CX3CR1: variants seen among roughly 807,000 people sequenced by gnomAD.
The protein encoded by CX3CR1 is CX3C chemokine receptor 1.
For missense variants in CX3CR1, 363 were observed against 432.4 expected (o/e 0.84, Z 1.42); for synonymous variants, 168 against 178.5 (o/e 0.94, Z 0.47).
upstream of CX3CR1, among the ~76,000 whole-genome samples, chr3:39,282,535 C>T (rs909370349): frequency 2.0e-5 from 3 of 152,166 alleles, no homozygotes; most frequent in Non-Finnish European, 4.4e-5. Flanking sequence ...GGCTCAAAGG[C>T]AGGAGGCCAG....
At chr3:39,277,294 G>T (rs956350140) in intron 1 of CX3CR1, among the ~76,000 whole-genome samples, 1 of 152,186 alleles carries the variant, frequency 6.6e-6, no homozygotes, top group South Asian at 2.1e-4. Flanking sequence ...CAAGAGGGCA[G>T]GTGGGATCAA....
upstream of CX3CR1, chr3:39,281,057 G>A (rs1242097294): frequency 2.0e-5 from 20 of 988,482 alleles, no homozygotes; most frequent in Non-Finnish European, 2.4e-5. Flanking sequence ...AGTCGCTGTG[G>A]TGTTCCGAGG....
upstream of CX3CR1, among the ~76,000 whole-genome samples, chr3:39,284,315 C>T (rs922541517): frequency 3.3e-5 from 5 of 152,160 alleles, no homozygotes; most frequent in African/African-American, 9.7e-5. Context: ...GAGCCTGCTA[C>T]CACATCTGGC....
chr3:39,270,780 C>T (rs1000448166), intron 1 of CX3CR1, among the ~76,000 whole-genome samples: 4 of 151,940 alleles, frequency 2.6e-5, no homozygotes, highest in Admixed American at 2.0e-4. Flanking sequence ...ACACATACTA[C>T]GTATTTTGGA....
At chr3:39,285,448 C>A (rs573941023), upstream of CX3CR1, among the ~76,000 whole-genome samples, 1 of 152,234 alleles carries the variant, frequency 6.6e-6, no homozygotes, top group South Asian at 2.1e-4. Context: ...CTATTTACTA[C>A]CTCCTTCTGT....
chr3:39,277,765 A>G (rs1436999845), intron 1 of CX3CR1, among the ~76,000 whole-genome samples: 1 of 152,216 alleles, frequency 6.6e-6, no homozygotes, highest in Non-Finnish European at 1.5e-5. Context: ...TGACTGGGTC[A>G]GCTCTAATAC....
chr3:39,281,643 C>T (rs1041473774), upstream of CX3CR1: 12 of 1,599,276 alleles, frequency 7.5e-6, no homozygotes, highest in African/African-American at 4.0e-5. Flanking sequence ...AGCCAGAGAG[C>T]TCTTCCTGAA....
the CX3CR1 span, chr3:39,287,814 G>A: frequency 1.3e-5 from 2 of 152,206 alleles, no homozygotes; most frequent in African/African-American, 4.8e-5. Context: ...TAGCTTAAGT[G>A]TATGTCTGGG....
Position 39,266,429 on chromosome 3 carries a change from C to A in CX3CR1, c.81G>T (p.Val27=). ...TGGACAGGAACACAGTCCCAAAGAC[C>A]ACGATGTCCCCAATATAACAGGCCT... ...LAEACYIGDI[V]VFGTVFLSIF... is the part of the protein sequence containing the mutation. The change falls in exon 2 of 2, where the codon GTG becomes GTT. Residue 27 remains valine, a synonymous_variant. Coordinates refer to ENST00000399220, the MANE Select transcript of CX3CR1 (RefSeq NM_001337.4). 1 of 1,614,184 alleles carries A rather than the reference C, an allele frequency of 6.2e-7. No individual in the cohort carries two copies.
chr3:39,290,085 T>TA, the CX3CR1 span, among the ~76,000 whole-genome samples: 2 of 152,162 alleles, frequency 1.3e-5, no homozygotes, highest in African/African-American at 4.8e-5. Context: ...GTTTAAAAGT[T>TA]AGGTTTGTTT....
At chr3:39,269,181 A>G (rs1008346252) in intron 1 of CX3CR1, among the ~76,000 whole-genome samples, 3 of 152,120 alleles carry the variant, frequency 2.0e-5, no homozygotes, top group Non-Finnish European at 4.4e-5. Flanking sequence ...TATTTAATTC[A>G]CTGCACTGCT....
intron 1 of CX3CR1, among the ~76,000 whole-genome samples, chr3:39,276,188 G>A (rs901016864): frequency 4.6e-5 from 7 of 152,188 alleles, no homozygotes; most frequent in Non-Finnish European, 8.8e-5. Context: ...GCAGGGCTTC[G>A]GGGAAGGATG....
chr3:39,291,014 G>A, the CX3CR1 span, among the ~76,000 whole-genome samples: 1 of 151,786 alleles, frequency 6.6e-6, no homozygotes, highest in Non-Finnish European at 1.5e-5. Flanking sequence ...TTTATCTTAC[G>A]TAAACATTTG....
At chr3:39,286,931 G>C in the CX3CR1 span, 1 of 152,210 alleles carries the variant, frequency 6.6e-6, no homozygotes, top group South Asian at 2.1e-4. Flanking sequence ...TTAGCATTCA[G>C]AATATCTGAA....
chr3:39,290,703 C>T, the CX3CR1 span, among the ~76,000 whole-genome samples: 12 of 152,030 alleles, frequency 7.9e-5, no homozygotes, highest in Non-Finnish European at 1.6e-4. Context: ...GGGCAGATGA[C>T]GAGGTCAGGA....
At chr3:39,279,021 G>A (rs985890662) in intron 1 of CX3CR1, among the ~76,000 whole-genome samples, 5 of 152,104 alleles carry the variant, frequency 3.3e-5, no homozygotes, top group African/African-American at 9.7e-5. Context: ...TTAGCCGGGC[G>A]GTGGTACATG....
At chr3:39,270,793 ATAGT>A (rs2040766104) in intron 1 of CX3CR1, among the ~76,000 whole-genome samples, 1 of 152,244 alleles carries the variant, frequency 6.6e-6, no homozygotes, top group Non-Finnish European at 1.5e-5. Flanking sequence ...ATTTTGGAAA[ATAGT>A]TTAATTAATT....
chr3:39,268,599 C>T (rs1325232151), intron 1 of CX3CR1, among the ~76,000 whole-genome samples: 3 of 152,154 alleles, frequency 2.0e-5, no homozygotes, highest in Non-Finnish European at 4.4e-5. Flanking sequence ...CTGGCAAAGC[C>T]GACCTCGAGA....
chr3:39,282,995 G>A (rs140210576), upstream of CX3CR1, among the ~76,000 whole-genome samples: 4 of 152,212 alleles, frequency 2.6e-5, no homozygotes, highest in East Asian at 5.8e-4. Flanking sequence ...GGGCTCGAAC[G>A]ATCCTCTCAC....
Sources: gnomAD v4.1 joint callset for allele counts (sites outside exome capture counted in the v4.1 genomes callset) on GRCh38, gnomAD v4.1.1 for gene constraint, MANE v1.5 for transcripts, NCBI Gene and HGNC (gene_info 2026-07-23, HGNC 2026-07-21) for gene names.